SERTM1: variants seen among roughly 807,000 people sequenced by gnomAD.
SERTM1 encodes serine-rich and transmembrane domain-containing protein 1.
In SERTM1, 1 loss-of-function variant was observed where a neutral mutation model predicts 5.5. The observed-to-expected ratio is 0.18, with a 90% CI of 0.06 to 0.86. The LOEUF is 0.86. Among genes scored for constraint, SERTM1 ranks in the 40% least tolerant of loss-of-function variants. The probability of loss-of-function intolerance (pLI) is 0.69; values close to 1 mark genes in which losing one functional copy is unlikely to be tolerated. For synonymous variants in SERTM1, 52 were observed against 55.1 expected (o/e 0.94, Z 0.25); for missense variants, 91 against 122.4 (o/e 0.74, Z 1.21).
intron 1 of SERTM1, among the ~76,000 whole-genome samples, chr13:36,688,492 C>T (rs759537534): frequency 6.6e-6 from 1 of 152,162 alleles, no homozygotes; most frequent in Non-Finnish European, 1.5e-5. Flanking sequence ...GGATTACAGG[C>T]ATAAGTCACC....
At chr13:36,680,617 G>C (rs1304634634) in intron 1 of SERTM1, among the ~76,000 whole-genome samples, 1 of 152,104 alleles carries the variant, frequency 6.6e-6, no homozygotes, top group Non-Finnish European at 1.5e-5. Context: ...CTTAACTTTT[G>C]GGGGTGTCAT....
At chr13:36,689,233 T>C (rs2056761709) in intron 1 of SERTM1, among the ~76,000 whole-genome samples, 1 of 152,054 alleles carries the variant, frequency 6.6e-6, no homozygotes, top group South Asian at 2.1e-4. Context: ...CATCCAGGCG[T>C]GGTGGCTCAT....
At chr13:36,688,479 C>T (rs1322351969) in intron 1 of SERTM1, among the ~76,000 whole-genome samples, 1 of 152,170 alleles carries the variant, frequency 6.6e-6, no homozygotes, top group African/African-American at 2.4e-5. Context: ...TCCCAAAGTG[C>T]TGGGATTACA....
Position 36,695,267 on chromosome 13 carries a change from C to T in SERTM1, c.189C>T (p.Leu63=). Residue 63 remains leucine, a synonymous_variant, in exon 2 of 2, where the codon CTC becomes CTT. Transcript: ENST00000315190. ...TGCTTCTGCTTTTAATCATTGCCCT[C>T]CAGAGGCTCAAAAATATCATCTCCT... ...AFLLLLLIIA[L]QRLKNIISSS... 1 of 1,614,134 alleles carries T rather than the reference C, an allele frequency of 6.2e-7. No individual in the cohort carries two copies. The highest frequency in any genetic ancestry group is 1.1e-5 in the South Asian group (1 of 91,080).
chr13:36,683,375 ACT>A (rs2056718570), intron 1 of SERTM1, among the ~76,000 whole-genome samples: 2 of 152,044 alleles, frequency 1.3e-5, no homozygotes, highest in Non-Finnish European at 2.9e-5. Context: ...AATTCATACA[ACT>A]CTCAATTATT....
chr13:36,683,270 CCTAACA>C (rs2056717892), intron 1 of SERTM1, among the ~76,000 whole-genome samples: 1 of 152,150 alleles, frequency 6.6e-6, no homozygotes, highest in East Asian at 1.9e-4. Flanking sequence ...TGCCCTTAAA[CCTAACA>C]CTTCTATGAA....
chr13:36,690,626 T>C (rs1702448784), intron 1 of SERTM1, among the ~76,000 whole-genome samples: 1 of 152,218 alleles, frequency 6.6e-6, no homozygotes, highest in Non-Finnish European at 1.5e-5. Flanking sequence ...ATATAAAACA[T>C]GCATTTTCTA....
chr13:36,690,946 A>G (rs752565370), intron 1 of SERTM1, among the ~76,000 whole-genome samples: 1 of 152,226 alleles, frequency 6.6e-6, no homozygotes, highest in Non-Finnish European at 1.5e-5. Flanking sequence ...TAAAGTCCGC[A>G]AGGGAACAAA....
intron 1 of SERTM1, among the ~76,000 whole-genome samples, chr13:36,684,211 C>T (rs531064447): frequency 2.6e-5 from 4 of 151,994 alleles, no homozygotes; most frequent in African/African-American, 4.8e-5. Context: ...GCATGAGAAT[C>T]GCTTGAACCC....
rs2056822214 is a variant in SERTM1, at chr13:36,697,312, A to AATAAAT, written c.*1913_*1914insAATATA. ...ATACGCACACACACACACACACATA[A>AATAAAT]ATATATATATATATATATATATATA... On this transcript the variant is annotated 3_prime_UTR_variant, in exon 2 of 2. Transcript: ENST00000315190. 7.0e-6 allele frequency: 1 copy of AATAAAT among 143,832 alleles called. No individual in the cohort carries two copies. The highest frequency in any genetic ancestry group is 2.8e-5 in the African/African-American group (1 of 36,164). The allele number at this position is 143,832 out of a possible 1,614,324, so 8.9% of individuals were successfully genotyped here.
rs1383295371 is a variant in SERTM1, at chr13:36,695,971, T to A, written c.*569T>A. ...TCACTTTAACAAGTAAAAATCACAC[T>A]TATTGATGAATGTAAGTCATTTGGG... On this transcript the variant is annotated 3_prime_UTR_variant, in exon 2 of 2. Transcript: ENST00000315190. 6.0e-6 allele frequency: 1 copy of A among 167,188 alleles called. No individual in the cohort carries two copies. The highest frequency in any genetic ancestry group is 2.4e-5 in the African/African-American group (1 of 41,456). 10.4% of individuals were successfully genotyped at this position (167,188 alleles called of 1,614,324 possible).
intron 1 of SERTM1, among the ~76,000 whole-genome samples, chr13:36,678,696 A>T (rs191096890): frequency 0.016 from 1,954 of 118,580 alleles, 95 homozygotes; most frequent in African/African-American, 0.056. Context: ...TATATATATA[A>T]AATATAGTCC....
chr13:36,674,048 C>A lies in SERTM1; in HGVS notation c.-310C>A, dbSNP rs1295696794. 6.6e-6 allele frequency: 1 copy of A among 152,300 alleles called. No homozygotes were observed. The highest frequency in any genetic ancestry group is 6.5e-5 in the Admixed American group (1 of 15,286). 9.4% of individuals were successfully genotyped at this position (152,300 alleles called of 1,614,324 possible). ...CCCGCTGCGCCTGCTGTCCGCCGTG[C>A]GCCCAGACTGCGCGCCGCGCCGCTG... On this transcript the variant is annotated 5_prime_UTR_variant, in exon 1 of 2. Transcript: ENST00000315190.
At chr13:36,694,174 G>A (rs577172305) in intron 1 of SERTM1, among the ~76,000 whole-genome samples, 21 of 152,320 alleles carry the variant, frequency 1.4e-4, no homozygotes, top group Admixed American at 7.2e-4. Flanking sequence ...CTCAGAAAAC[G>A]TAGGTAATTT....
chr13:36,693,918 A>G (rs949304472), intron 1 of SERTM1, among the ~76,000 whole-genome samples: 1 of 152,166 alleles, frequency 6.6e-6, no homozygotes, highest in Non-Finnish European at 1.5e-5. Flanking sequence ...CAACCTGAAC[A>G]CAGTGAAGAG....
rs963391534 is a variant in SERTM1, at chr13:36,697,025, T to A, written c.*1623T>A. 1 of 166,852 alleles carries A rather than the reference T, an allele frequency of 6.0e-6. No individual in the cohort carries two copies. The allele number at this position is 166,852 out of a possible 1,614,324, so 10.3% of individuals were successfully genotyped here. A position where few individuals can be genotyped will look rare whatever the true frequency, so the allele number is the denominator to read the frequency against. ...GAGGTCTGGGAATGAAAATCAGAAG[T>A]CTTCTTCTTCTTTTAATTCATAAGC... is the stretch of plus-strand genomic sequence containing the variant. On this transcript the variant is annotated 3_prime_UTR_variant, in exon 2 of 2. Transcript: ENST00000315190.
At chr13:36,683,840 C>T (rs181480067) in intron 1 of SERTM1, among the ~76,000 whole-genome samples, 2 of 152,300 alleles carry the variant, frequency 1.3e-5, no homozygotes, top group East Asian at 1.9e-4. Context: ...AGAAATATTT[C>T]GTGAACAGCA....
At chr13:36,674,992 A>C (rs1020825419) in intron 1 of SERTM1, among the ~76,000 whole-genome samples, 7 of 152,092 alleles carry the variant, frequency 4.6e-5, no homozygotes, top group Non-Finnish European at 1.0e-4. Context: ...TAGGAAAGGG[A>C]TATGTAATGT....
At chr13:36,684,960 C>G (rs1247981525) in intron 1 of SERTM1, among the ~76,000 whole-genome samples, 1 of 152,138 alleles carries the variant, frequency 6.6e-6, no homozygotes, top group South Asian at 2.1e-4. Flanking sequence ...ACAAATAATT[C>G]CTAATTATTT....
Sources: allele counts gnomAD v4.1 joint callset (sites outside exome capture counted in the v4.1 genomes callset), GRCh38; gene constraint gnomAD v4.1.1; transcripts MANE v1.5; gene names NCBI Gene and HGNC (gene_info 2026-07-23, HGNC 2026-07-21).